ATE1: variants seen among roughly 807,000 people sequenced by gnomAD.
ATE1 encodes the protein arginyltransferase 1.
ATE1 carries 36 observed loss-of-function variants against 70.5 expected under a neutral mutation model. The observed-to-expected ratio is 0.51, with a 90% CI of 0.39 to 0.67. The LOEUF (loss-of-function observed/expected upper bound fraction) is 0.67, where lower values mean the gene tolerates loss of function less well. Among genes scored for constraint, ATE1 ranks in the 30% least tolerant of loss-of-function variants. The pLI is 0.00. For missense variants in ATE1, 593 were observed against 629.5 expected, an observed-to-expected ratio of 0.94 and a Z score of 0.62; for synonymous variants, 232 against 219.3, an observed-to-expected ratio of 1.06 and a Z score of -0.51.
chr10:121,920,384 T>C (rs1323823278), intron 3 of ATE1, among the ~76,000 whole-genome samples: 1 of 151,952 alleles, frequency 6.6e-6, no homozygotes, highest in Admixed American at 6.6e-5. Context: ...AAAATGTAAT[T>C]TGCCAGGCCT....
intron 7 of ATE1, among the ~76,000 whole-genome samples, chr10:121,872,740 T>C (rs192976986): frequency 5.7e-4 from 86 of 152,102 alleles, no homozygotes; most frequent in Non-Finnish European, 1.0e-3. Context: ...TCAATTTTGC[T>C]GTGAACCTAA....
intron 9 of ATE1, among the ~76,000 whole-genome samples, chr10:121,838,552 A>T (rs578191153): frequency 6.6e-6 from 1 of 152,266 alleles, no homozygotes; most frequent in African/African-American, 2.4e-5. Flanking sequence ...TTGCCCCTGA[A>T]ATGTCACCTG....
At chr10:121,914,900 G>A (rs1951584262) in intron 3 of ATE1, among the ~76,000 whole-genome samples, 1 of 152,178 alleles carries the variant, frequency 6.6e-6, no homozygotes, top group Admixed American at 6.5e-5. Context: ...AATGTGATCA[G>A]ACCTAAAAAT....
At chr10:121,794,608 T>A (rs1946580041) in intron 10 of ATE1, among the ~76,000 whole-genome samples, 1 of 32,072 alleles carries the variant, frequency 3.1e-5, no homozygotes, top group Non-Finnish European at 5.3e-5. Flanking sequence ...AGACCCTGTC[T>A]CCAAAAAAAA....
At chr10:121,862,532 A>ATTTTTTTTTTTTT (rs35130703) in intron 8 of ATE1, among the ~76,000 whole-genome samples, 11 of 105,378 alleles carry the variant, frequency 1.0e-4, no homozygotes, top group East Asian at 2.7e-4. Context: ...AATTTTTTTA[A>ATTTTTTTTTTTTT]TTTTTTTTTT....
chr10:121,891,536 G>A (rs1383114236), intron 7 of ATE1, among the ~76,000 whole-genome samples: 1 of 152,126 alleles, frequency 6.6e-6, no homozygotes, highest in Non-Finnish European at 1.5e-5. Context: ...AAATGGTTTA[G>A]AGCTGCTTTT....
intron 7 of ATE1, among the ~76,000 whole-genome samples, chr10:121,871,971 C>T (rs546894881): frequency 4.6e-4 from 70 of 152,272 alleles, no homozygotes; most frequent in African/African-American, 1.6e-3. Flanking sequence ...ACAATCTCTA[C>T]CCTTCCTCCC....
At chr10:121,782,199 G>C (rs192151326) in intron 11 of ATE1, among the ~76,000 whole-genome samples, 36 of 152,296 alleles carry the variant, frequency 2.4e-4, no homozygotes, top group Admixed American at 2.0e-4. Flanking sequence ...AGTAGACATT[G>C]TATTGAATAT....
rs116153985 is a variant in ATE1, at chr10:121,812,560, G to A, written c.1258-22271C>T. ...CTCGAAATTCACAGAAGTGCAGCTG[G>A]TTAGTTTAAGTAAGTTCTACATTTC... is the stretch of plus-strand genomic sequence containing the variant. On this transcript the variant is annotated intron_variant, in intron 10 of 11. Transcript: ENST00000224652. Among the ~76,000 whole-genome samples, 657 of 152,088 alleles carry A rather than the reference G, an allele frequency of 4.3e-3. 5 individuals are homozygous for A. The highest frequency in any genetic ancestry group is 0.015 in the African/African-American group (632 of 41,466).
chr10:121,747,779 G>A (rs1944428547), intron 11 of ATE1, among the ~76,000 whole-genome samples: 1 of 152,218 alleles, frequency 6.6e-6, no homozygotes, highest in African/African-American at 2.4e-5. Flanking sequence ...AACCAAAGGG[G>A]AAAGTCCACA....
chr10:121,851,806 A>T (rs2133877702), intron 8 of ATE1, among the ~76,000 whole-genome samples: 1 of 152,378 alleles, frequency 6.6e-6, no homozygotes, highest in East Asian at 1.9e-4. Flanking sequence ...GCTGATAACA[A>T]GAAAAAATAA....
rs145530998 is a variant in ATE1, at chr10:121,765,706, T to C, written c.1379-21848A>G. On this transcript the variant is annotated intron_variant, in intron 11 of 11. Transcript: ENST00000224652. ...GGGGATTTTTCATTTCTGCTCCCACTAAGGCTTCAAATTAGACAGAATGAC... is the reference window on the plus strand; with the variant it reads ...GGGGATTTTTCATTTCTGCTCCCACCAAGGCTTCAAATTAGACAGAATGAC... Among the ~76,000 whole-genome samples, 806 of 152,314 alleles carry C rather than the reference T, an allele frequency of 5.3e-3. 8 individuals carry two copies. The highest frequency in any genetic ancestry group is 0.018 in the African/African-American group (747 of 41,566).
At chr10:121,838,893 T>C (rs556157708) in intron 9 of ATE1, among the ~76,000 whole-genome samples, 9 of 152,302 alleles carry the variant, frequency 5.9e-5, no homozygotes, top group African/African-American at 2.2e-4. Context: ...GGCTACATTA[T>C]ATAAATCTAA....
intron 11 of ATE1, among the ~76,000 whole-genome samples, chr10:121,773,457 C>T (rs1055854602): frequency 6.6e-6 from 1 of 152,196 alleles, no homozygotes; most frequent in Non-Finnish European, 1.5e-5. Flanking sequence ...GGACTCTCTC[C>T]TGTGTCTCCT....
chr10:121,769,959 A>T (rs1442755842), intron 11 of ATE1, among the ~76,000 whole-genome samples: 2 of 152,242 alleles, frequency 1.3e-5, no homozygotes, highest in African/African-American at 2.4e-5. Context: ...CAGTTTCTTA[A>T]AATATTAAAC....
At chr10:121,893,865 C>T (rs1044762890) in intron 7 of ATE1, among the ~76,000 whole-genome samples, 4 of 152,112 alleles carry the variant, frequency 2.6e-5, no homozygotes, top group Non-Finnish European at 2.9e-5. Context: ...AGGCTGGGTG[C>T]GGTGGCTCAT....
chr10:121,796,952 T>C (rs1037560225), intron 10 of ATE1, among the ~76,000 whole-genome samples: 2 of 152,144 alleles, frequency 1.3e-5, no homozygotes, highest in Non-Finnish European at 2.9e-5. Context: ...GCAAAATAAA[T>C]ACATGGAAAA....
In ATE1 at chr10:121,927,228, A is replaced by G. The variant is rs984444324; in HGVS notation, c.106+616T>C. The G allele has an allele frequency of 1.2e-5, 12 of 985,248 alleles. No homozygotes were observed. The African/African-American group carries it at 1.7e-4, about 14-fold the overall frequency. The allele number at this position is 985,248 out of a possible 1,614,324, so 61.0% of individuals were successfully genotyped here. On this transcript the variant is annotated intron_variant, in intron 1 of 11. Transcript: ENST00000224652. The stretch of plus-strand genomic sequence containing the variant: ...GCTTTGCTGTCGTCCGGGTGGGTGG[A>G]GGAAAGACACGGCATATAAGCAAAT...
chr10:121,917,871 A>C (rs1264507385), intron 3 of ATE1, among the ~76,000 whole-genome samples: 1 of 152,236 alleles, frequency 6.6e-6, no homozygotes, highest in Non-Finnish European at 1.5e-5. Context: ...AATCATAGCC[A>C]GAAAAGTTCA....
Sources: allele counts gnomAD v4.1 joint callset (sites outside exome capture counted in the v4.1 genomes callset), GRCh38; gene constraint gnomAD v4.1.1; transcripts MANE v1.5; gene names NCBI Gene and HGNC (gene_info 2026-07-23, HGNC 2026-07-21).